The following TRIM44 variants were observed in gnomAD, a reference collection of about 807,000 sequenced individuals.
TRIM44 encodes tripartite motif containing 44.
A neutral mutation model predicts 37.4 loss-of-function variants in TRIM44; 13 were observed. The observed-to-expected ratio is 0.35, with a 90% CI of 0.23 to 0.55. TRIM44 has a LOEUF of 0.55. Among genes scored for constraint, TRIM44 ranks in the 20% least tolerant of loss-of-function variants. TRIM44 has a pLI of 0.89. For missense variants in TRIM44, 426 were observed against 437.2 expected, an observed-to-expected ratio of 0.97 and a Z score of 0.23; for synonymous variants, 175 against 157.2, an observed-to-expected ratio of 1.11 and a Z score of -0.85.
intron 4 of TRIM44, among the ~76,000 whole-genome samples, chr11:35,751,580 C>T (rs115759282): frequency 0.012 from 1,862 of 152,210 alleles, 46 homozygotes; most frequent in African/African-American, 0.043. Context: ...TATTAAGAAT[C>T]AAGTAATGAT....
intron 2 of TRIM44, among the ~76,000 whole-genome samples, chr11:35,702,062 A>G (rs1306322595): frequency 6.6e-6 from 1 of 152,202 alleles, no homozygotes; most frequent in Non-Finnish European, 1.5e-5. Flanking sequence ...GTTGCCACCC[A>G]AGGGGTTATA....
intron 4 of TRIM44, among the ~76,000 whole-genome samples, chr11:35,783,510 A>G (rs1029447911): frequency 1.1e-4 from 17 of 152,328 alleles, no homozygotes; most frequent in African/African-American, 4.1e-4. Context: ...TTTCATTGTA[A>G]TAGCACCAAC....
At chr11:35,715,404 A>ATGTGTGTG (rs112688346) in intron 2 of TRIM44, among the ~76,000 whole-genome samples, 146 of 144,890 alleles carry the variant, frequency 1.0e-3, no homozygotes, top group African/African-American at 3.2e-3. Context: ...CTCTCTGTGT[A>ATGTGTGTG]TGTGTGTGTG....
In TRIM44 at chr11:35,808,209, A is replaced by AAAAAAAAAAAAT. The variant is rs1853480148; in HGVS notation, c.*1835_*1836insTAAAAAAAAAAA. ...GGGCTGAGGGGAGTTTGAGGTGTTA[A>AAAAAAAAAAAAT]AAAAAAAAAAAAAAAAGCATTTTTC... On this transcript the variant is annotated 3_prime_UTR_variant, in exon 5 of 5. Transcript: ENST00000299413. 1 of 149,222 alleles carries AAAAAAAAAAAAT rather than the reference A, an allele frequency of 6.7e-6. No homozygotes were observed. Among genetic ancestry groups the AAAAAAAAAAAAT allele is most frequent in the African/African-American group, 2.5e-5 (1 of 40,088 alleles). The allele number at this position is 149,222 out of a possible 1,614,324, so 9.2% of individuals were successfully genotyped here. A position where few individuals can be genotyped will look rare whatever the true frequency, so the allele number is the denominator to read the frequency against.
rs549994008 is a variant in TRIM44, at chr11:35,759,337, G to A, written c.1007+23892G>A. Among the ~76,000 whole-genome samples the A allele has an allele frequency of 4.6e-5, 7 of 152,260 alleles. No homozygotes were observed. In the South Asian group the frequency reaches 1.5e-3, roughly 32 times the overall value. On this transcript the variant is annotated intron_variant, in intron 4 of 4. Coordinates refer to ENST00000299413, the MANE Select transcript of TRIM44 (RefSeq NM_017583.6). ...TTCGTCACGTAGTTCACATGCCATG[G>A]TTTTCAGCTCCATCAGGTCCTTTAA... is the stretch of plus-strand genomic sequence containing the variant.
At chr11:35,679,927 T>C (rs984748360) in intron 1 of TRIM44, among the ~76,000 whole-genome samples, 1 of 152,196 alleles carries the variant, frequency 6.6e-6, no homozygotes, top group Non-Finnish European at 1.5e-5. Flanking sequence ...GCAGTGCTAG[T>C]AGTAAAACCT....
chr11:35,699,010 C>T (rs946414969), intron 2 of TRIM44, among the ~76,000 whole-genome samples: 2 of 146,182 alleles, frequency 1.4e-5, no homozygotes, highest in Non-Finnish European at 3.0e-5. Context: ...TATGGCTAGC[C>T]AGTTTTCCCA....
intron 4 of TRIM44, among the ~76,000 whole-genome samples, chr11:35,754,084 T>TA (rs1852592940): frequency 6.6e-6 from 1 of 152,094 alleles, no homozygotes; most frequent in South Asian, 2.1e-4. Flanking sequence ...ATTGAATACT[T>TA]ACTAAGTGAC....
chr11:35,667,135 T>TAA (rs141076595), intron 1 of TRIM44, among the ~76,000 whole-genome samples: 1 of 152,178 alleles, frequency 6.6e-6, no homozygotes, highest in Non-Finnish European at 1.5e-5. Context: ...TTTATCAGTT[T>TAA]AAAAAAATTC....
At chr11:35,698,950 T>C (rs1422102336) in intron 2 of TRIM44, among the ~76,000 whole-genome samples, 2 of 138,992 alleles carry the variant, frequency 1.4e-5, no homozygotes, top group Non-Finnish European at 3.1e-5. Context: ...CCATCTTGAA[T>C]TAATTTTTGT....
At chr11:35,801,992 G>A (rs922768329) in intron 4 of TRIM44, among the ~76,000 whole-genome samples, 2 of 151,528 alleles carry the variant, frequency 1.3e-5, no homozygotes, top group African/African-American at 4.9e-5. Context: ...GACATATTGT[G>A]TAGTTTATAT....
Position 35,811,619 on chromosome 11 carries a change from C to G in TRIM44, c.*5234C>G, listed in dbSNP as rs1475517254. On this transcript the variant is annotated 3_prime_UTR_variant, in exon 5 of 5. Coordinates refer to ENST00000299413, the MANE Select transcript of TRIM44 (RefSeq NM_017583.6). ...AAATCAGAAGTCATATACTCAGAGGCCTTCAGGAGCCAAATGTGAAGACTC... is the reference window on the plus strand; with the variant it reads ...AAATCAGAAGTCATATACTCAGAGGGCTTCAGGAGCCAAATGTGAAGACTC... 2 of 152,076 alleles carry G rather than the reference C, an allele frequency of 1.3e-5. No homozygotes were observed. Among genetic ancestry groups the G allele is most frequent in the South Asian group, 2.1e-4 (1 of 4,818 alleles). 9.4% of individuals were successfully genotyped at this position (152,076 alleles called of 1,614,324 possible).
intron 4 of TRIM44, among the ~76,000 whole-genome samples, chr11:35,762,858 G>A (rs1393914996): frequency 6.6e-6 from 1 of 152,012 alleles, no homozygotes; most frequent in East Asian, 1.9e-4. Flanking sequence ...AAACTCCTTA[G>A]GCCTTAGTTT....
intron 4 of TRIM44, among the ~76,000 whole-genome samples, chr11:35,795,981 A>G (rs921577466): frequency 1.3e-5 from 2 of 152,226 alleles, no homozygotes; most frequent in Non-Finnish European, 2.9e-5. Flanking sequence ...TCTGGTAGGT[A>G]CTACATTGTC....
At chr11:35,738,321 C>T (rs58950476) in intron 4 of TRIM44, among the ~76,000 whole-genome samples, 1,648 of 152,178 alleles carry the variant, frequency 0.011, 32 homozygotes, top group African/African-American at 0.038. Flanking sequence ...ATTGCAGATA[C>T]CTTTGTATCA....
At position 35,813,769 on chromosome 11, in the gene TRIM44, A is replaced by G. The variant is rs1853552265; in HGVS notation, c.*7384A>G. 6.6e-6 allele frequency: 1 copy of G among 152,100 alleles called. No homozygotes were observed. The highest frequency in any genetic ancestry group is 6.5e-5 in the Admixed American group (1 of 15,274). 9.4% of individuals were successfully genotyped at this position (152,100 alleles called of 1,614,324 possible). ...ACATTTTAGAAATATTTACATCCCAATGGTTAAAAAAAAAAACTTTTAGGA... is the reference window on the plus strand; with the variant it reads ...ACATTTTAGAAATATTTACATCCCAGTGGTTAAAAAAAAAAACTTTTAGGA... On this transcript the variant is annotated 3_prime_UTR_variant, in exon 5 of 5. Coordinates refer to ENST00000299413, the MANE Select transcript of TRIM44 (RefSeq NM_017583.6).
At chr11:35,748,596 T>G (rs1392606806) in intron 4 of TRIM44, among the ~76,000 whole-genome samples, 11 of 152,244 alleles carry the variant, frequency 7.2e-5, no homozygotes, top group Admixed American at 6.5e-4. Context: ...GAACCTATAC[T>G]ATTCTATAGA....
intron 4 of TRIM44, among the ~76,000 whole-genome samples, chr11:35,784,356 G>C (rs1035689435): frequency 6.6e-6 from 1 of 152,108 alleles, no homozygotes; most frequent in Admixed American, 6.6e-5. Context: ...CCATTATTAC[G>C]AATTTTTATT....
At chr11:35,789,610 C>T (rs1281310664) in intron 4 of TRIM44, among the ~76,000 whole-genome samples, 2 of 152,168 alleles carry the variant, frequency 1.3e-5, no homozygotes, top group Admixed American at 6.5e-5. Context: ...CACTCCTGCT[C>T]CTCTTAGCCT....
Sources: allele counts gnomAD v4.1 joint callset (sites outside exome capture counted in the v4.1 genomes callset), GRCh38; gene constraint gnomAD v4.1.1; transcripts MANE v1.5; gene names NCBI Gene and HGNC (gene_info 2026-07-23, HGNC 2026-07-21).